The following STK39 variants were observed in gnomAD, a reference collection of about 807,000 sequenced individuals.
STK39 encodes the protein serine/threonine kinase 39.
STK39 carries 20 observed loss-of-function variants against 77.8 expected under a neutral mutation model. That is an observed-to-expected ratio of 0.26 (90% CI 0.18 to 0.37). The LOEUF is 0.37. Ranked by LOEUF, STK39 falls within the 10% of genes least tolerant of loss-of-function variation. STK39 has a pLI of 1.00. For missense variants in STK39, 479 were observed against 656.5 expected (o/e 0.73, Z 2.95); for synonymous variants, 246 against 234.1 (o/e 1.05, Z -0.47).
chr2:168,168,231 C>A (rs1688736715), intron 2 of STK39, among the ~76,000 whole-genome samples: 1 of 151,950 alleles, frequency 6.6e-6, no homozygotes, highest in Non-Finnish European at 1.5e-5. Flanking sequence ...CATAAAACAA[C>A]AAAGCTGAGA....
chr2:168,112,252 C>G (rs1293792446), intron 10 of STK39, among the ~76,000 whole-genome samples: 1 of 152,128 alleles, frequency 6.6e-6, no homozygotes, highest in Non-Finnish European at 1.5e-5. Flanking sequence ...GAGCAGTGGT[C>G]TTCACACTGG....
chr2:168,228,201 T>A (rs1161065974), intron 1 of STK39, among the ~76,000 whole-genome samples: 1 of 152,180 alleles, frequency 6.6e-6, no homozygotes, highest in Non-Finnish European at 1.5e-5. Flanking sequence ...TGCCAAAATC[T>A]CAAGAAATAA....
chr2:168,007,180 C>A lies in STK39; in HGVS notation c.1498+5454G>T, dbSNP rs560116198. On this transcript the variant is annotated intron_variant, in intron 16 of 17. Transcript: ENST00000355999. ...AAAAATACACATGTAAGAAATCATT[C>A]AAACCTCTATATAAACTGGACTCTT... Among the ~76,000 whole-genome samples the A allele has an allele frequency of 1.6e-4, 24 of 152,292 alleles. No individual in the cohort carries two copies. In the South Asian group the frequency reaches 2.9e-3, roughly 18 times the overall value.
chr2:168,147,873 G>T (rs1005896374), intron 5 of STK39, among the ~76,000 whole-genome samples: 2 of 152,200 alleles, frequency 1.3e-5, no homozygotes, highest in African/African-American at 4.8e-5. Flanking sequence ...ACAGACCAGG[G>T]AAAGTCAGGG....
chr2:168,160,134 T>C (rs556833313), intron 5 of STK39, among the ~76,000 whole-genome samples: 55 of 152,350 alleles, frequency 3.6e-4, no homozygotes, highest in African/African-American at 1.3e-3. Flanking sequence ...ATGAGATGAC[T>C]GGCAGAGGAC....
At chr2:168,125,143 G>C (rs1179421460) in intron 10 of STK39, among the ~76,000 whole-genome samples, 1 of 151,938 alleles carries the variant, frequency 6.6e-6, no homozygotes, top group Admixed American at 6.6e-5. Flanking sequence ...AAGAGTTGAT[G>C]TGAAACATGG....
At chr2:168,033,287 A>C (rs1684872871) in intron 14 of STK39, among the ~76,000 whole-genome samples, 1 of 152,158 alleles carries the variant, frequency 6.6e-6, no homozygotes, top group Non-Finnish European at 1.5e-5. Flanking sequence ...AGAGCATTTG[A>C]GGTGCTTTGC....
chr2:168,193,159 GC>G (rs1559140579), intron 1 of STK39, among the ~76,000 whole-genome samples: 1 of 152,104 alleles, frequency 6.6e-6, no homozygotes, highest in Non-Finnish European at 1.5e-5. Flanking sequence ...TCACTTTAAT[GC>G]CACCTCTCCA....
chr2:168,136,533 T>G (rs899721825), intron 8 of STK39, among the ~76,000 whole-genome samples: 4 of 152,286 alleles, frequency 2.6e-5, no homozygotes, highest in African/African-American at 9.6e-5. Context: ...CTTAAAAAAC[T>G]GGAATTGTGT....
intron 1 of STK39, among the ~76,000 whole-genome samples, chr2:168,229,140 C>T (rs1050443778): frequency 2.0e-5 from 3 of 151,968 alleles, no homozygotes; most frequent in Non-Finnish European, 4.4e-5. Flanking sequence ...GAGGTCAAGG[C>T]GGGTGGATCA....
intron 16 of STK39, among the ~76,000 whole-genome samples, chr2:168,006,698 G>A (rs755216981): frequency 7.2e-5 from 11 of 152,214 alleles, no homozygotes; most frequent in East Asian, 1.9e-4. Flanking sequence ...ACCCACCCGC[G>A]AGGCCTTGCC....
At chr2:167,966,743 C>A (rs919036424) in intron 16 of STK39, among the ~76,000 whole-genome samples, 11 of 152,162 alleles carry the variant, frequency 7.2e-5, no homozygotes, top group Non-Finnish European at 1.6e-4. Flanking sequence ...GAATCTCACA[C>A]CTCTGGGACA....
At chr2:168,053,505 G>T (rs1335310559) in intron 14 of STK39, among the ~76,000 whole-genome samples, 1 of 152,106 alleles carries the variant, frequency 6.6e-6, no homozygotes, top group Non-Finnish European at 1.5e-5. Context: ...TTTAATTTAT[G>T]TTGACTTTCT....
rs375292934 is a variant in STK39, at chr2:167,993,061, T to G, written c.1498+19573A>C. On this transcript the variant is annotated intron_variant, in intron 16 of 17. Transcript: ENST00000355999. ...ACATCTCAATAGTACATTTGAAAGA[T>G]ATGCTACACTGCAGTGATGTAATAT... 2.6e-5 allele frequency among the ~76,000 whole-genome samples: 4 copies of G among 152,238 alleles called. No homozygotes were observed. In the East Asian group the frequency reaches 7.7e-4, roughly 29 times the overall value.
intron 16 of STK39, among the ~76,000 whole-genome samples, chr2:167,994,475 A>G (rs1218190102): frequency 1.3e-5 from 2 of 152,202 alleles, no homozygotes; most frequent in Non-Finnish European, 2.9e-5. Flanking sequence ...AACTCTTTTA[A>G]GTGAACAATT....
At chr2:168,064,314 C>T (rs1574433415) in intron 13 of STK39, among the ~76,000 whole-genome samples, 1 of 152,162 alleles carries the variant, frequency 6.6e-6, no homozygotes, top group African/African-American at 2.4e-5. Flanking sequence ...GCCCTCTGAT[C>T]CATTATTATT....
At chr2:168,044,344 A>G (rs1399643653) in intron 14 of STK39, among the ~76,000 whole-genome samples, 1 of 152,228 alleles carries the variant, frequency 6.6e-6, no homozygotes, top group Non-Finnish European at 1.5e-5. Context: ...TTTCCTTATC[A>G]CTCAATATGC....
chr2:168,035,998 G>A (rs1227660342), intron 14 of STK39, among the ~76,000 whole-genome samples: 1 of 152,102 alleles, frequency 6.6e-6, no homozygotes, highest in Non-Finnish European at 1.5e-5. Context: ...TAAAATTAAC[G>A]GGTAAATAAA....
intron 14 of STK39, among the ~76,000 whole-genome samples, chr2:168,061,115 C>T (rs2105380918): frequency 6.6e-6 from 1 of 152,004 alleles, no homozygotes; most frequent in East Asian, 1.9e-4. Flanking sequence ...GGCTTGGTAG[C>T]CCTTTAAAAA....
Sources: gnomAD v4.1 joint callset for allele counts (sites outside exome capture counted in the v4.1 genomes callset) on GRCh38, gnomAD v4.1.1 for gene constraint, MANE v1.5 for transcripts, NCBI Gene and HGNC (gene_info 2026-07-23, HGNC 2026-07-21) for gene names.